JMJD1C: variants seen among roughly 807,000 people sequenced by gnomAD.
JMJD1C encodes jumonji domain-containing protein 1C.
A neutral mutation model predicts 245.3 loss-of-function variants in JMJD1C; 31 were observed. The observed-to-expected ratio is 0.13, with a 90% CI of 0.09 to 0.17. The LOEUF is 0.17. JMJD1C is among the 10% of genes least tolerant of loss of function. JMJD1C has a pLI of 1.00. For missense variants in JMJD1C, 2,691 were observed against 3,000.2 expected, an observed-to-expected ratio of 0.90 and a Z score of 2.41; for synonymous variants, 1,057 against 1,017.4, an observed-to-expected ratio of 1.04 and a Z score of -0.74.
At chr10:63,228,053 T>C (rs771609897) in intron 3 of JMJD1C, among the ~76,000 whole-genome samples, 1 of 152,182 alleles carries the variant, frequency 6.6e-6, no homozygotes, top group African/African-American at 2.4e-5. Context: ...GTTAACTAAA[T>C]GAAGGTACCG....
chr10:63,482,426 A>C (rs1953858321), intron 1 of JMJD1C, among the ~76,000 whole-genome samples: 1 of 152,170 alleles, frequency 6.6e-6, no homozygotes, highest in Admixed American at 6.5e-5. Flanking sequence ...ACCTGAAGTC[A>C]GGAGTTCAAG....
intron 16 of JMJD1C, among the ~76,000 whole-genome samples, chr10:63,192,258 TAAAAAAAAA>T (rs10604690): frequency 9.1e-6 from 1 of 110,372 alleles, no homozygotes; most frequent in African/African-American, 3.6e-5. Flanking sequence ...CTACAAAAAC[TAAAAAAAAA>T]AAAAAAAAAA....
rs756848415 is a variant in JMJD1C at position 63,193,515 on chromosome 10, T to C, written c.5735-43A>G. The C allele has an allele frequency of 1.5e-5, 21 of 1,415,344 alleles. No homozygotes were observed. In the South Asian group the frequency reaches 2.5e-4, roughly 17 times the overall value. 87.7% of individuals were successfully genotyped at this position (1,415,344 alleles called of 1,614,324 possible). On this transcript the variant is annotated intron_variant, in intron 14 of 25. Transcript: ENST00000399262. ...AGTTAATAAAAAGATTACCACTAGT[T>C]GTTAATGCTGTAAAATTTTTTTCTT... is the stretch of plus-strand genomic sequence containing the variant.
rs113098909 is a variant in JMJD1C, at chr10:63,278,592, C to T, written c.334-13828G>A. Among the ~76,000 whole-genome samples the T allele has an allele frequency of 4.0e-3, 615 of 151,934 alleles. 3 individuals carry two copies. The highest frequency in any genetic ancestry group is 0.014 in the African/African-American group (580 of 41,462). ...GAGTACTGATTAGTAGTACTGTTGC[C>T]GAGCGTGTGATCCCAGCACCTTTAG... is the stretch of plus-strand genomic sequence containing the variant. On this transcript the variant is annotated intron_variant, in intron 2 of 25. Transcript: ENST00000399262.
chr10:63,339,171 A>G (rs1175481359), intron 2 of JMJD1C, among the ~76,000 whole-genome samples: 2 of 152,220 alleles, frequency 1.3e-5, no homozygotes, highest in African/African-American at 2.4e-5. Flanking sequence ...ATGGTACTGT[A>G]TACACCAATG....
intron 1 of JMJD1C, among the ~76,000 whole-genome samples, chr10:63,394,741 G>A (rs1212314809): frequency 6.6e-6 from 1 of 152,116 alleles, no homozygotes; most frequent in East Asian, 1.9e-4. Flanking sequence ...CTACTTGGGA[G>A]GCTGAGGCAG....
At chr10:63,342,800 G>A (rs1014053711) in intron 2 of JMJD1C, among the ~76,000 whole-genome samples, 4 of 152,252 alleles carry the variant, frequency 2.6e-5, no homozygotes, top group African/African-American at 4.8e-5. Context: ...CTGTCCACAT[G>A]GGTGGCTGCA....
chr10:63,220,995 C>T (rs969943799), intron 3 of JMJD1C, among the ~76,000 whole-genome samples: 1 of 151,738 alleles, frequency 6.6e-6, no homozygotes, highest in East Asian at 1.9e-4. Flanking sequence ...CCTGTAGTCC[C>T]AGCTACTGAG....
chr10:63,245,384 G>T (rs948416202), intron 3 of JMJD1C, among the ~76,000 whole-genome samples: 4 of 151,274 alleles, frequency 2.6e-5, no homozygotes, highest in African/African-American at 9.7e-5. Context: ...CATGGCTAGG[G>T]AGGCCTCACA....
intron 2 of JMJD1C, among the ~76,000 whole-genome samples, chr10:63,304,944 A>G (rs1465938094): frequency 6.6e-6 from 1 of 152,098 alleles, no homozygotes; most frequent in East Asian, 1.9e-4. Context: ...GAACACTTAG[A>G]CAGCAGAGCA....
intron 1 of JMJD1C, among the ~76,000 whole-genome samples, chr10:63,442,200 G>C (rs1370328736): frequency 6.6e-6 from 1 of 152,124 alleles, no homozygotes; most frequent in Non-Finnish European, 1.5e-5. Context: ...AGAGTATAGT[G>C]AACAAGCCCA....
At chr10:63,421,646 T>C (rs1326636073) in intron 1 of JMJD1C, among the ~76,000 whole-genome samples, 6 of 152,242 alleles carry the variant, frequency 3.9e-5, no homozygotes, top group Admixed American at 3.9e-4. Flanking sequence ...TGTCTGACTA[T>C]ATTTGCAGAT....
At chr10:63,170,779 G>A (rs1589038543) in intron 24 of JMJD1C, among the ~76,000 whole-genome samples, 1 of 152,226 alleles carries the variant, frequency 6.6e-6, no homozygotes, top group South Asian at 2.1e-4. Context: ...AGGCTTGAGG[G>A]TTACTTTGAA....
In JMJD1C at chr10:63,521,691, C is replaced by T. The variant is rs983896187; in HGVS notation, n.113+47G>A. Reference sequence around the variant, plus strand: ...GGGCCTGGGCGGGGACGGGGTAGCCCGGCCTCGGGCCTGCCGAGGGTCTGG... The same window carrying T: ...GGGCCTGGGCGGGGACGGGGTAGCCTGGCCTCGGGCCTGCCGAGGGTCTGG... On this transcript the variant is annotated intron_variant and non_coding_transcript_variant, in intron 1 of 3. Transcript: ENST00000633035. The T allele has an allele frequency of 2.2e-5, 15 of 687,718 alleles. No homozygotes were observed. The African/African-American group carries it at 2.7e-4, about 12-fold the overall frequency. The allele number at this position is 687,718 out of a possible 1,614,324, so 42.6% of individuals were successfully genotyped here.
At chr10:63,375,051 T>C (rs1946613875) in intron 2 of JMJD1C, among the ~76,000 whole-genome samples, 1 of 152,204 alleles carries the variant, frequency 6.6e-6, no homozygotes, top group East Asian at 1.9e-4. Flanking sequence ...TCAAATACTA[T>C]GTTGAGTGGA....
chr10:63,340,399 G>A (rs1374362322), intron 2 of JMJD1C, among the ~76,000 whole-genome samples: 1 of 152,214 alleles, frequency 6.6e-6, no homozygotes, highest in African/African-American at 2.4e-5. Context: ...TATGTGCATT[G>A]CTCACTGTGT....
intron 2 of JMJD1C, 180 bp downstream of exon 2, chr10:63,380,138 C>G: frequency 4.1e-6 from 2 of 487,308 alleles, no homozygotes; most frequent in South Asian, 2.6e-5. Context: ...GAGATGGGGT[C>G]TCGCTTTTTT....
chr10:63,202,362 T>C (rs1379959488), intron 10 of JMJD1C: 3 of 984,756 alleles, frequency 3.0e-6, no homozygotes, highest in Non-Finnish European at 2.4e-6. Flanking sequence ...ATGTCAGATA[T>C]TAGATTTACA....
intron 1 of JMJD1C, among the ~76,000 whole-genome samples, chr10:63,431,796 G>C (rs1263315882): frequency 6.6e-6 from 1 of 152,128 alleles, no homozygotes; most frequent in South Asian, 2.1e-4. Flanking sequence ...GGCGGATCAC[G>C]AGGTCCAGAG....
Sources: allele counts gnomAD v4.1 joint callset (sites outside exome capture counted in the v4.1 genomes callset), GRCh38; gene constraint gnomAD v4.1.1; transcripts MANE v1.5; gene names NCBI Gene and HGNC (gene_info 2026-07-23, HGNC 2026-07-21).